Variants in ZNF565 observed in about 807,000 individuals in gnomAD.
ZNF565 encodes the protein zinc finger protein 565.
Under a neutral mutation model 39.4 loss-of-function variants are expected in ZNF565, and 27 were observed. The ratio of observed to expected loss-of-function variants is 0.69; its 90% CI spans 0.51 to 0.95. The LOEUF (loss-of-function observed/expected upper bound fraction) is 0.95, where lower values mean the gene tolerates loss of function less well. Ranked by LOEUF, ZNF565 falls within the 40% of genes least tolerant of loss-of-function variation. ZNF565 has a pLI of 0.00. For missense variants in ZNF565, 524 were observed against 621.1 expected (o/e 0.84, Z 1.66); for synonymous variants, 185 against 216.6 (o/e 0.85, Z 1.28).
chr19:36,203,137 C>T (rs942506694), intron 1 of ZNF565, among the ~76,000 whole-genome samples: 3 of 151,880 alleles, frequency 2.0e-5, no homozygotes, highest in Non-Finnish European at 2.9e-5. Context: ...GAGTTCGAGA[C>T]CAGCCTAATC....
intron 1 of ZNF565, among the ~76,000 whole-genome samples, chr19:36,211,503 CAT>C (rs1976358403): frequency 7.1e-6 from 1 of 141,252 alleles, no homozygotes; most frequent in Non-Finnish European, 1.5e-5. Flanking sequence ...AATTAATAAA[CAT>C]AGAAGTGGCC....
intron 1 of ZNF565, among the ~76,000 whole-genome samples, chr19:36,240,379 C>T (rs1476447920): frequency 2.0e-5 from 3 of 152,030 alleles, no homozygotes; most frequent in African/African-American, 7.3e-5. Flanking sequence ...CGTGATTGCA[C>T]CACTATATTG....
intron 1 of ZNF565, among the ~76,000 whole-genome samples, chr19:36,232,632 A>G (rs1472691980): frequency 6.9e-6 from 1 of 144,832 alleles, no homozygotes; most frequent in East Asian, 2.0e-4. Flanking sequence ...TTCCCGAGAC[A>G]TAGTCTCCCT....
At position 36,182,784 on chromosome 19, in the gene ZNF565, C is replaced by T; in HGVS notation, c.1182G>A (p.Lys394=). The T allele has an allele frequency of 6.2e-7, 1 of 1,614,062 alleles. No homozygotes were observed. Among genetic ancestry groups the T allele is most frequent in the Non-Finnish European group, 8.5e-7 (1 of 1,180,004 alleles). The change falls in exon 5 of 5, where the codon AAG becomes AAA. Residue 394 remains lysine (K), a synonymous_variant. Coordinates refer to ENST00000304116, the MANE Select transcript of ZNF565 (RefSeq NM_152477.5). ...VHTGDRPYEC[K]DCGKAFSRSS... is the part of the protein sequence containing the mutation. ...TACGACTAAATGCCTTCCCGCAGTCCTTACATTCATAGGGTCTGTCGCCAG... is the reference window on the plus strand; with the variant it reads ...TACGACTAAATGCCTTCCCGCAGTCTTTACATTCATAGGGTCTGTCGCCAG...
intron 1 of ZNF565, among the ~76,000 whole-genome samples, chr19:36,208,112 G>A (rs1317106834): frequency 6.6e-6 from 1 of 152,068 alleles, no homozygotes; most frequent in Non-Finnish European, 1.5e-5. Context: ...AGAAATAAGA[G>A]CAGAGCTGTC....
chr19:36,184,287 G>C (rs946157459), intron 4 of ZNF565, among the ~76,000 whole-genome samples: 1 of 151,714 alleles, frequency 6.6e-6, no homozygotes, highest in African/African-American at 2.4e-5. Context: ...TTTGCTTTGA[G>C]ACGGAGTCTT....
chr19:36,226,196 G>C (rs772164337), intron 1 of ZNF565, among the ~76,000 whole-genome samples: 2 of 152,136 alleles, frequency 1.3e-5, no homozygotes, highest in Non-Finnish European at 2.9e-5. Context: ...CGATCTCTCT[G>C]CCTGCATGTG....
intron 1 of ZNF565, among the ~76,000 whole-genome samples, chr19:36,208,108 A>C (rs1428253576): frequency 6.6e-6 from 1 of 152,218 alleles, no homozygotes; most frequent in Admixed American, 6.5e-5. Flanking sequence ...CTTCAGAAAT[A>C]AGAGCAGAGC....
At chr19:36,225,800 AC>A (rs1285361493) in intron 1 of ZNF565, among the ~76,000 whole-genome samples, 2 of 111,646 alleles carry the variant, frequency 1.8e-5, no homozygotes, top group Non-Finnish European at 3.4e-5. Flanking sequence ...TTGCTTTGTC[AC>A]CCAGGCTGGA....
intron 1 of ZNF565, among the ~76,000 whole-genome samples, chr19:36,207,124 C>CAG (rs2145356669): frequency 6.6e-6 from 1 of 152,222 alleles, no homozygotes; most frequent in South Asian, 2.1e-4. Context: ...CGAAGAGGGT[C>CAG]AGAGAGAGAG....
chr19:36,236,265 T>C (rs1977641126), intron 1 of ZNF565: 1 of 732,428 alleles, frequency 1.4e-6, no homozygotes, highest in Non-Finnish European at 2.1e-6. Flanking sequence ...ATATACTGAG[T>C]ATGATAACAT....
chr19:36,217,270 C>T (rs1021470765), upstream of ZNF565, among the ~76,000 whole-genome samples: 1 of 151,422 alleles, frequency 6.6e-6, no homozygotes, highest in Non-Finnish European at 1.5e-5. Flanking sequence ...ACCATGTTGG[C>T]CAGGCTGGTC....
In ZNF565 at chr19:36,207,081, G is replaced by A. The variant is rs544657430; in HGVS notation, c.-65-5031C>T. On this transcript the variant is annotated intron_variant, in intron 1 of 4. Transcript: ENST00000304116. ...GCTTTCCTCGATCAACAAGAGGAAG[G>A]AGACAAGGGCAGCTGGGATGGAACA... 5.9e-5 allele frequency among the ~76,000 whole-genome samples: 9 copies of A among 152,280 alleles called. No homozygotes were observed. The South Asian group carries it at 1.9e-3, about 32-fold the overall frequency.
chr19:36,231,249 G>T (rs1284183271), intron 1 of ZNF565, among the ~76,000 whole-genome samples: 1 of 152,006 alleles, frequency 6.6e-6, no homozygotes, highest in Non-Finnish European at 1.5e-5. Flanking sequence ...TCACTCTGTT[G>T]TCCAGGTTGG....
intron 3 of ZNF565, 68 bp from the exon 4 acceptor site, chr19:36,194,396 C>T: frequency 7.5e-7 from 1 of 1,325,946 alleles, no homozygotes; most frequent in Non-Finnish European, 1.0e-6. Context: ...TCCCTGGTCA[C>T]CATGGAAAAG....
intron 1 of ZNF565, among the ~76,000 whole-genome samples, chr19:36,221,663 T>C (rs1263143717): frequency 1.3e-5 from 2 of 152,214 alleles, no homozygotes; most frequent in Non-Finnish European, 2.9e-5. Flanking sequence ...AACAAAGATC[T>C]ATCTCACAGA....
chr19:36,211,630 A>C (rs1354979798), intron 1 of ZNF565, among the ~76,000 whole-genome samples: 1 of 150,982 alleles, frequency 6.6e-6, no homozygotes, highest in Non-Finnish European at 1.5e-5. Context: ...CATCTCTACT[A>C]AAAATACAAA....
At position 36,233,913 on chromosome 19, in the gene ZNF565, A is replaced by ACGGGTGT. The variant is rs537471552; in HGVS notation, c.55+11556_55+11562dup. Among the ~76,000 whole-genome samples the ACGGGTGT allele has an allele frequency of 4.4e-4, 64 of 147,020 alleles. 1 individual carries two copies. In the South Asian group the frequency reaches 0.012, roughly 29 times the overall value. On this transcript the variant is annotated intron_variant, in intron 1 of 4. Coordinates refer to the ZNF565 transcript ENST00000355114. Reference sequence around the variant, plus strand: ...TAATCCTCCTCAGCACAGACCCTTTACGGGTGTCGGACTGGGGGACGGTCA... The same window carrying ACGGGTGT: ...TAATCCTCCTCAGCACAGACCCTTTACGGGTGTCGGGTGTCGGACTGGGGGACGGTCA...
intron 4 of ZNF565, among the ~76,000 whole-genome samples, chr19:36,190,871 A>T (rs899107222): frequency 9.9e-5 from 15 of 151,414 alleles, no homozygotes; most frequent in African/African-American, 3.6e-4. Context: ...GCACTCCTGT[A>T]TTCCCAACTA....
Sources: gnomAD v4.1 joint callset for allele counts (sites outside exome capture counted in the v4.1 genomes callset) on GRCh38, gnomAD v4.1.1 for gene constraint, MANE v1.5 for transcripts, NCBI Gene and HGNC (gene_info 2026-07-23, HGNC 2026-07-21) for gene names.